Variants in TTLL11 observed in about 807,000 individuals in gnomAD.
The protein encoded by TTLL11 is tubulin tyrosine ligase like 11.
TTLL11 carries 42 observed loss-of-function variants against 51.7 expected under a neutral mutation model. The observed-to-expected ratio is 0.81, with a 90% CI of 0.64 to 1.05. The LOEUF (loss-of-function observed/expected upper bound fraction) is 1.05, where lower values mean the gene tolerates loss of function less well. TTLL11 is among the 50% of genes least tolerant of loss of function. The pLI, the probability that TTLL11 is intolerant of heterozygous loss-of-function variation, is 0.00. For synonymous variants in TTLL11, 381 were observed against 383.5 expected, an observed-to-expected ratio of 0.99 and a Z score of 0.08; for missense variants, 799 against 940.4, an observed-to-expected ratio of 0.85 and a Z score of 1.97.
Position 121,860,355 on chromosome 9 carries a change from G to C in TTLL11, c.1822C>G (p.Leu608Val). 1 of 1,551,468 alleles carries C rather than the reference G, an allele frequency of 6.4e-7. No homozygotes were observed. The highest frequency in any genetic ancestry group is 8.7e-7 in the Non-Finnish European group (1 of 1,146,916). ...DITRRWNSMTLDQRDSGMCLQ... is the reference protein window; with the variant it reads ...DITRRWNSMTVDQRDSGMCLQ... ...CAAATACCTGAGTCCCGCTGGTCCAGGGTCATGGAGTTCCACCTCCGTGTG... is the reference window on the plus strand; with the variant it reads ...CAAATACCTGAGTCCCGCTGGTCCACGGTCATGGAGTTCCACCTCCGTGTG... Residue 608 changes from leucine to valine, a missense_variant, in exon 8 of 9, where the codon CTG becomes GTG. Transcript: ENST00000321582.
At chr9:121,899,365 G>GTGTATATATATATATATA (rs1226221957) in intron 6 of TTLL11, among the ~76,000 whole-genome samples, 9 of 113,210 alleles carry the variant, frequency 7.9e-5, no homozygotes, top group Admixed American at 3.1e-4. Flanking sequence ...ATGTGTGTGT[G>GTGTATATATATATATATA]TATATATATA....
chr9:121,946,222 T>C (rs2131591672), intron 6 of TTLL11, among the ~76,000 whole-genome samples: 1 of 152,214 alleles, frequency 6.6e-6, no homozygotes. Flanking sequence ...GGGGGTGAGA[T>C]GTGCAAAGGC....
At chr9:121,885,118 G>A (rs1838958885) in intron 6 of TTLL11, 1 of 152,094 alleles carries the variant, frequency 6.6e-6, no homozygotes, top group African/African-American at 2.4e-5. Context: ...ATCATTTTCT[G>A]GAAGTCCAAC....
intron 8 of TTLL11, among the ~76,000 whole-genome samples, chr9:121,834,454 T>C (rs1175229513): frequency 6.7e-6 from 1 of 148,890 alleles, no homozygotes; most frequent in Non-Finnish European, 1.5e-5. Flanking sequence ...ATCTGTAAAG[T>C]GGGGATAGTA....
At chr9:121,879,237 G>A (rs770496454) in intron 6 of TTLL11, among the ~76,000 whole-genome samples, 24 of 152,050 alleles carry the variant, frequency 1.6e-4, no homozygotes, top group Non-Finnish European at 2.9e-4. Context: ...TATTCACCCC[G>A]AGGACCTCAG....
chr9:122,088,911 C>T (rs552627161), intron 1 of TTLL11, among the ~76,000 whole-genome samples: 1 of 149,288 alleles, frequency 6.7e-6, no homozygotes, highest in African/African-American at 2.5e-5. Flanking sequence ...GAGGCTGAGG[C>T]AGGAGAACTG....
chr9:122,073,164 C>T (rs1845771717), intron 1 of TTLL11, among the ~76,000 whole-genome samples: 1 of 152,164 alleles, frequency 6.6e-6, no homozygotes, highest in South Asian at 2.1e-4. Flanking sequence ...AATCCCAGCA[C>T]TTTGGGAAGC....
At chr9:122,089,316 A>C (rs1187556018) in intron 1 of TTLL11, among the ~76,000 whole-genome samples, 1 of 152,168 alleles carries the variant, frequency 6.6e-6, no homozygotes, top group East Asian at 1.9e-4. Context: ...CTTGCACCAC[A>C]GCCCCCAGTA....
chr9:121,968,472 C>G (rs1842468806), intron 6 of TTLL11, among the ~76,000 whole-genome samples: 1 of 152,200 alleles, frequency 6.6e-6, no homozygotes, highest in Non-Finnish European at 1.5e-5. Flanking sequence ...TGATTTTAAA[C>G]TAAAAAATCT....
At chr9:121,861,566 C>T (rs891262723) in intron 7 of TTLL11, among the ~76,000 whole-genome samples, 1 of 152,160 alleles carries the variant, frequency 6.6e-6, no homozygotes, top group Non-Finnish European at 1.5e-5. Flanking sequence ...AGAGAACAAA[C>T]TCCACATGTC....
intron 6 of TTLL11, among the ~76,000 whole-genome samples, chr9:121,905,541 C>T (rs1202128480): frequency 3.3e-5 from 5 of 151,894 alleles, no homozygotes; most frequent in Non-Finnish European, 5.9e-5. Flanking sequence ...TTAGTAGAGA[C>T]GAGGTTTCAC....
intron 6 of TTLL11, among the ~76,000 whole-genome samples, chr9:121,875,537 C>T (rs1453143830): frequency 6.6e-6 from 1 of 152,186 alleles, no homozygotes; most frequent in Non-Finnish European, 1.5e-5. Context: ...TTTTCATGGA[C>T]TCAACCGCAA....
At chr9:121,871,730 GCCT>G (rs1838364147) in intron 6 of TTLL11, among the ~76,000 whole-genome samples, 1 of 152,102 alleles carries the variant, frequency 6.6e-6, no homozygotes, top group East Asian at 1.9e-4. Flanking sequence ...TTCTTCCCGG[GCCT>G]CCTCATTTCC....
chr9:121,977,526 A>G (rs935947326), intron 4 of TTLL11, among the ~76,000 whole-genome samples: 1 of 152,174 alleles, frequency 6.6e-6, no homozygotes, highest in Non-Finnish European at 1.5e-5. Context: ...CTCATTTCAT[A>G]TCTTAGTTCT....
intron 3 of TTLL11, among the ~76,000 whole-genome samples, chr9:122,006,354 G>A (rs1394993748): frequency 4.2e-5 from 6 of 143,378 alleles, no homozygotes; most frequent in African/African-American, 1.1e-4. Context: ...AAAAAAAAAA[G>A]AATTATGTAA....
intron 1 of TTLL11, among the ~76,000 whole-genome samples, chr9:122,050,344 A>G (rs1342236551): frequency 6.6e-6 from 1 of 152,168 alleles, no homozygotes; most frequent in Non-Finnish European, 1.5e-5. Flanking sequence ...TTGAGTAAGG[A>G]CACTGCGGTG....
chr9:121,974,849 G>A (rs190603955), intron 5 of TTLL11, 35 bp downstream of exon 5: 43 of 1,455,230 alleles, frequency 3.0e-5, no homozygotes, highest in Non-Finnish European at 4.0e-5. Context: ...TCAGCTGTAT[G>A]GCAACATAGT....
chr9:122,000,917 A>G (rs926155460), intron 3 of TTLL11, among the ~76,000 whole-genome samples: 1 of 152,234 alleles, frequency 6.6e-6, no homozygotes, highest in African/African-American at 2.4e-5. Context: ...TAACAGTAAT[A>G]CATAACAGTA....
At chr9:121,877,991 T>C (rs1276798127) in intron 6 of TTLL11, among the ~76,000 whole-genome samples, 2 of 152,216 alleles carry the variant, frequency 1.3e-5, no homozygotes, top group African/African-American at 4.8e-5. Context: ...GTATTACAAA[T>C]GGTCCCATTT....
Sources: allele counts gnomAD v4.1 joint callset (sites outside exome capture counted in the v4.1 genomes callset), GRCh38; gene constraint gnomAD v4.1.1; transcripts MANE v1.5; gene names NCBI Gene and HGNC (gene_info 2026-07-23, HGNC 2026-07-21).